WDR41: variants seen among roughly 807,000 people sequenced by gnomAD.
WDR41 encodes the protein WD repeat domain 41, also known as WD repeat-containing protein 41.
Under a neutral mutation model 69.3 loss-of-function variants are expected in WDR41, and 63 were observed. The observed-to-expected ratio is 0.91, with a 90% CI of 0.74 to 1.12. WDR41 has a LOEUF of 1.12. WDR41 is among the 50% of genes most tolerant of loss of function. The pLI is 0.00. For synonymous variants in WDR41, 185 were observed against 192.1 expected (o/e 0.96, Z 0.31); for missense variants, 543 against 534.5 (o/e 1.02, Z -0.16).
intron 8 of WDR41, among the ~76,000 whole-genome samples, chr5:77,447,624 G>C (rs1007360559): frequency 6.6e-6 from 1 of 152,202 alleles, no homozygotes; most frequent in Non-Finnish European, 1.5e-5. Flanking sequence ...CAGGGACATA[G>C]TCATGAAGCT....
At chr5:77,436,079 T>C (rs1798926490) in intron 12 of WDR41, among the ~76,000 whole-genome samples, 182 bp downstream of exon 12, 3 of 151,176 alleles carry the variant, frequency 2.0e-5, no homozygotes, top group African/African-American at 7.4e-5. Flanking sequence ...CCTCAAATCA[T>C]ATATCCGGAA....
intron 1 of WDR41, among the ~76,000 whole-genome samples, chr5:77,587,159 T>C (rs1744057063): frequency 6.6e-6 from 1 of 151,506 alleles, no homozygotes; most frequent in Admixed American, 6.6e-5. Context: ...CTAAATTTTG[T>C]TACCTTAGAT....
chr5:77,619,020 C>A (rs1190765067), intron 1 of WDR41, among the ~76,000 whole-genome samples: 1 of 152,164 alleles, frequency 6.6e-6, no homozygotes, highest in Admixed American at 6.5e-5. Flanking sequence ...CTTTCTACAC[C>A]TTGATACAGC....
At chr5:77,486,720 C>T (rs1240801556) in intron 2 of WDR41, among the ~76,000 whole-genome samples, 4 of 152,148 alleles carry the variant, frequency 2.6e-5, no homozygotes, top group Non-Finnish European at 4.4e-5. Context: ...AGCCAGCCCC[C>T]GCCAATCTAC....
intron 1 of WDR41, among the ~76,000 whole-genome samples, chr5:77,511,411 T>C (rs1240191356): frequency 6.6e-6 from 1 of 152,248 alleles, no homozygotes; most frequent in Admixed American, 6.5e-5. Context: ...TTATCTCTAA[T>C]GGCTTTTCAT....
At chr5:77,457,522 T>G (rs1243237172) in intron 5 of WDR41, among the ~76,000 whole-genome samples, 1 of 152,146 alleles carries the variant, frequency 6.6e-6, no homozygotes, top group African/African-American at 2.4e-5. Flanking sequence ...TCTGATCATT[T>G]CCTTTAAAGA....
intron 1 of WDR41, among the ~76,000 whole-genome samples, chr5:77,575,187 T>C (rs1192463448): frequency 6.6e-6 from 1 of 152,210 alleles, no homozygotes; most frequent in Non-Finnish European, 1.5e-5. Context: ...CTTCCATCAT[T>C]ATACCACTCT....
chr5:77,582,217 C>T (rs1373384821), intron 1 of WDR41, among the ~76,000 whole-genome samples: 4 of 152,056 alleles, frequency 2.6e-5, no homozygotes, highest in African/African-American at 9.7e-5. Context: ...AATTATATGC[C>T]AATAGATTAC....
At chr5:77,439,020 A>G (rs1342521480) in intron 9 of WDR41, among the ~76,000 whole-genome samples, 3 of 152,210 alleles carry the variant, frequency 2.0e-5, no homozygotes, top group African/African-American at 7.2e-5. Context: ...CATTTTCCAG[A>G]TAAGGAATTT....
intron 1 of WDR41, among the ~76,000 whole-genome samples, chr5:77,598,709 G>A (rs1401420729): frequency 7.1e-6 from 1 of 141,774 alleles, no homozygotes; most frequent in Non-Finnish European, 1.5e-5. Context: ...CAATAGAAAA[G>A]TACAGCCTGA....
At chr5:77,489,353 T>C (rs1167794369) in intron 2 of WDR41, 104 bp downstream of exon 2, 2 of 603,704 alleles carry the variant, frequency 3.3e-6, no homozygotes, top group Non-Finnish European at 5.3e-6. Flanking sequence ...GATCACAGTT[T>C]TTAAATTTTT....
At chr5:77,581,549 T>C (rs961452211) in intron 1 of WDR41, among the ~76,000 whole-genome samples, 2 of 152,206 alleles carry the variant, frequency 1.3e-5, no homozygotes, top group East Asian at 1.9e-4. Flanking sequence ...AATAACAGTA[T>C]ACATTCTTCT....
chr5:77,448,868 AAAAC>A lies in WDR41; in HGVS notation c.697+888_697+891del, dbSNP rs10646790. Among the ~76,000 whole-genome samples, 97 of 149,296 alleles carry A rather than the reference AAAAC, an allele frequency of 6.5e-4. 1 individual carries two copies. The East Asian group carries it at 9.2e-3, about 14-fold the overall frequency. Reference sequence around the variant, plus strand: ...GGGCAACACAGGGAGACTCCATCTCAAAACAAACAAACAAACAAACAAACACAAA... The same window carrying A: ...GGGCAACACAGGGAGACTCCATCTCAAAACAAACAAACAAACAAACACAAA... On this transcript the variant is annotated intron_variant, in intron 8 of 12. Transcript: ENST00000296679.
At chr5:77,594,270 T>TG (rs1404169474) in intron 1 of WDR41, among the ~76,000 whole-genome samples, 1 of 36,484 alleles carries the variant, frequency 2.7e-5, no homozygotes, top group Admixed American at 4.3e-4. Flanking sequence ...TGTTGTGGGG[T>TG]GGGGGGAGGG....
chr5:77,469,482 T>C (rs534131839), intron 2 of WDR41, among the ~76,000 whole-genome samples: 93 of 152,274 alleles, frequency 6.1e-4, no homozygotes, highest in African/African-American at 2.1e-3. Context: ...AACTGATCCT[T>C]AAATCTACAG....
At chr5:77,562,817 T>C (rs1743550926) in intron 1 of WDR41, among the ~76,000 whole-genome samples, 1 of 152,132 alleles carries the variant, frequency 6.6e-6, no homozygotes, top group Non-Finnish European at 1.5e-5. Context: ...AGTAAACATA[T>C]TATTAGTGCG....
chr5:77,467,433 G>A (rs771423817), intron 2 of WDR41, among the ~76,000 whole-genome samples: 162 of 151,898 alleles, frequency 1.1e-3, no homozygotes, highest in Non-Finnish European at 1.9e-3. Context: ...GAAATGTACC[G>A]TATTTCATCA....
intron 8 of WDR41, 59 bp from the exon 9 acceptor site, chr5:77,441,056 T>C: frequency 6.4e-7 from 1 of 1,557,948 alleles, no homozygotes; most frequent in Non-Finnish European, 8.7e-7. Context: ...AAGATATAAC[T>C]GAATGGAATG....
chr5:77,570,646 T>C (rs1743717716), intron 1 of WDR41, among the ~76,000 whole-genome samples: 1 of 151,568 alleles, frequency 6.6e-6, no homozygotes, highest in South Asian at 2.1e-4. Context: ...GATTTAAAGG[T>C]GCAAGTTCCA....
Sources: allele counts gnomAD v4.1 joint callset (sites outside exome capture counted in the v4.1 genomes callset), GRCh38; gene constraint gnomAD v4.1.1; transcripts MANE v1.5; gene names NCBI Gene and HGNC (gene_info 2026-07-23, HGNC 2026-07-21).